Variants in RASGEF1A observed in about 807,000 individuals in gnomAD.
The protein encoded by RASGEF1A is ras-GEF domain-containing family member 1A.
Under a neutral mutation model 56.4 loss-of-function variants are expected in RASGEF1A, and 18 were observed. That is an observed-to-expected ratio of 0.32 (90% confidence interval 0.22 to 0.47). The LOEUF is 0.47. RASGEF1A is among the 20% of genes least tolerant of loss of function. The pLI is 1.00. For missense variants in RASGEF1A, 422 were observed against 627.1 expected (o/e 0.67, Z 3.49); for synonymous variants, 245 against 242.6 (o/e 1.01, Z -0.09).
In RASGEF1A at chr10:43,242,821, G is replaced by A. The variant is rs192370590; in HGVS notation, c.-7+24024C>T. Among the ~76,000 whole-genome samples the A allele has an allele frequency of 5.3e-5, 8 of 152,260 alleles. No homozygotes were observed. The South Asian group carries it at 6.2e-4, about 12-fold the overall frequency. ...GTGCTGGGATTGCAGATGGAGTCTC[G>A]CTCACTCATTGCTCAATGTTGCCCA... On this transcript the variant is annotated intron_variant, in intron 1 of 12. Coordinates refer to ENST00000395810, the MANE Select transcript of RASGEF1A (RefSeq NM_145313.4).
intron 5 of RASGEF1A, 77 bp from the exon 6 acceptor site, chr10:43,200,333 G>T: frequency 7.6e-7 from 1 of 1,315,426 alleles, no homozygotes; most frequent in Non-Finnish European, 1.1e-6. Context: ...CATGCGGACA[G>T]GGAGAGGAGG....
At chr10:43,214,904 G>A (rs1454756711) in intron 1 of RASGEF1A, among the ~76,000 whole-genome samples, 1 of 152,202 alleles carries the variant, frequency 6.6e-6, no homozygotes, top group Non-Finnish European at 1.5e-5. Context: ...CCGTTTCTCA[G>A]ATGGGGACAC....
intron 1 of RASGEF1A, among the ~76,000 whole-genome samples, chr10:43,228,857 G>A (rs967576704): frequency 3.3e-5 from 5 of 152,238 alleles, no homozygotes; most frequent in Admixed American, 2.6e-4. Flanking sequence ...GCAGGGGCCC[G>A]ATAAATGCAT....
intron 1 of RASGEF1A, among the ~76,000 whole-genome samples, chr10:43,210,295 C>A (rs574469318): frequency 6.9e-6 from 1 of 145,596 alleles, no homozygotes; most frequent in East Asian, 2.1e-4. Flanking sequence ...AACATAGAGA[C>A]CCCTGTCTCT....
intron 10 of RASGEF1A, among the ~76,000 whole-genome samples, chr10:43,197,400 G>A (rs903721222): frequency 6.6e-6 from 1 of 152,220 alleles, no homozygotes; most frequent in Non-Finnish European, 1.5e-5. Flanking sequence ...ACTCCAGCCT[G>A]AGGCAGGCAC....
At chr10:43,228,932 C>T (rs1840319882) in intron 1 of RASGEF1A, among the ~76,000 whole-genome samples, 2 of 152,224 alleles carry the variant, frequency 1.3e-5, no homozygotes, top group South Asian at 2.1e-4. Context: ...CAGGGCTGGC[C>T]GGGGCTCAGC....
At chr10:43,222,925 G>A (rs948889471) in intron 1 of RASGEF1A, among the ~76,000 whole-genome samples, 1 of 152,202 alleles carries the variant, frequency 6.6e-6, no homozygotes, top group Non-Finnish European at 1.5e-5. Context: ...CCCAGCTGCT[G>A]TCTTAATGTT....
chr10:43,232,485 CT>C (rs55766600), intron 1 of RASGEF1A, among the ~76,000 whole-genome samples: 4,482 of 123,548 alleles, frequency 0.036, 104 homozygotes, highest in African/African-American at 0.1. Context: ...CAGTCTCCGG[CT>C]TTTTTTTTTT....
intron 1 of RASGEF1A, among the ~76,000 whole-genome samples, chr10:43,263,456 A>G (rs1291909558): frequency 6.6e-6 from 1 of 152,188 alleles, no homozygotes; most frequent in Non-Finnish European, 1.5e-5. Flanking sequence ...TTAAAAAAGG[A>G]AAAGCACCTG....
At chr10:43,240,054 G>A (rs1486923033) in intron 1 of RASGEF1A, among the ~76,000 whole-genome samples, 2 of 152,200 alleles carry the variant, frequency 1.3e-5, no homozygotes, top group Non-Finnish European at 2.9e-5. Flanking sequence ...GAAACCCTAA[G>A]CACTCACTTC....
intron 2 of RASGEF1A, 23 bp from the exon 3 acceptor site, chr10:43,203,443 G>A (rs1024979075): frequency 1.7e-5 from 25 of 1,509,276 alleles, no homozygotes; most frequent in Non-Finnish European, 2.0e-5. Flanking sequence ...GACGGAGAGA[G>A]GGCGGAGGGA....
At chr10:43,201,003 C>A in intron 4 of RASGEF1A, 115 bp from the exon 5 acceptor site, 1 of 931,894 alleles carries the variant, frequency 1.1e-6, no homozygotes, top group Non-Finnish European at 1.7e-6. Context: ...GAGCCCACAG[C>A]CCCTATCTAA....
intron 1 of RASGEF1A, among the ~76,000 whole-genome samples, chr10:43,263,984 G>C (rs1476488167): frequency 6.6e-6 from 1 of 151,988 alleles, no homozygotes; most frequent in East Asian, 1.9e-4. Context: ...ACAGCCCTCT[G>C]TCATGGTGCC....
Position 43,249,444 on chromosome 10 carries a change from A to G in RASGEF1A, c.-7+17401T>C, listed in dbSNP as rs1017413395. Reference sequence around the variant, plus strand: ...GGGGGAAGGGGGTTCTGTTGGCCTCAGCTTCTGAAAGCACTTCCGTGGCTC... The same window carrying G: ...GGGGGAAGGGGGTTCTGTTGGCCTCGGCTTCTGAAAGCACTTCCGTGGCTC... On this transcript the variant is annotated intron_variant, in intron 1 of 12. Transcript: ENST00000395810. Among the ~76,000 whole-genome samples the G allele has an allele frequency of 2.6e-5, 4 of 152,322 alleles. No individual in the cohort carries two copies. In the East Asian group the frequency reaches 7.7e-4, roughly 29 times the overall value.
chr10:43,229,898 A>T (rs956553968), intron 1 of RASGEF1A, among the ~76,000 whole-genome samples: 2 of 151,872 alleles, frequency 1.3e-5, no homozygotes, highest in Non-Finnish European at 2.9e-5. Flanking sequence ...GGCTAGGAGC[A>T]TGGCGCGGAG....
At chr10:43,201,659 G>A (rs1485519991) in intron 4 of RASGEF1A, 149 bp downstream of exon 4, 2 of 774,604 alleles carry the variant, frequency 2.6e-6, no homozygotes, top group African/African-American at 3.5e-5. Context: ...CTGGGGGAAG[G>A]GAGGTTGAAT....
chr10:43,261,420 G>C (rs1330186066), intron 1 of RASGEF1A, among the ~76,000 whole-genome samples: 2 of 152,226 alleles, frequency 1.3e-5, no homozygotes, highest in African/African-American at 2.4e-5. Context: ...TGGACAGTGT[G>C]GGCAGGACTT....
In RASGEF1A at chr10:43,200,239, A is replaced by G; in HGVS notation, c.699T>C (p.Ile233=). 6.2e-7 allele frequency: 1 copy of G among 1,606,962 alleles called. No homozygotes were observed. The highest frequency in any genetic ancestry group is 8.5e-7 in the Non-Finnish European group (1 of 1,176,334). ...THIELDRVSS[I]YPEDLMQIVS... The stretch of plus-strand genomic sequence containing the variant: ...CGATCTGCATCAAGTCCTCAGGGTA[A>G]ATGCTGCTGACCCTGTCCTGGGGTG... The change falls in exon 6 of 13, where the codon ATT becomes ATC. Residue 233 remains isoleucine, a synonymous_variant. Coordinates refer to ENST00000395810, the MANE Select transcript of RASGEF1A (RefSeq NM_145313.4).
At chr10:43,228,403 T>C (rs921330970) in intron 1 of RASGEF1A, among the ~76,000 whole-genome samples, 35 of 152,258 alleles carry the variant, frequency 2.3e-4, no homozygotes, top group Admixed American at 3.9e-4. Context: ...GGACTGTCAT[T>C]GGAGGTCCGA....
Sources: allele counts gnomAD v4.1 joint callset (sites outside exome capture counted in the v4.1 genomes callset), GRCh38; gene constraint gnomAD v4.1.1; transcripts MANE v1.5; gene names NCBI Gene and HGNC (gene_info 2026-07-23, HGNC 2026-07-21).